Variants in ZEB1 observed in about 807,000 individuals in gnomAD.
The protein encoded by ZEB1 is zinc finger E-box-binding homeobox 1.
Under a neutral mutation model 84.9 loss-of-function variants are expected in ZEB1, and 21 were observed. The observed-to-expected ratio is 0.25, with a 90% CI of 0.18 to 0.36. The LOEUF (loss-of-function observed/expected upper bound fraction) is 0.36, where lower values mean the gene tolerates loss of function less well. ZEB1 is among the 10% of genes least tolerant of loss of function. The pLI, the probability that ZEB1 is intolerant of heterozygous loss-of-function variation, is 1.00. For missense variants in ZEB1, 1,104 were observed against 1,330.2 expected, an observed-to-expected ratio of 0.83 and a Z score of 2.65; for synonymous variants, 420 against 471.1, an observed-to-expected ratio of 0.89 and a Z score of 1.41.
At chr10:31,363,373 T>G in intron 1 of ZEB1, 1 of 1,534,422 alleles carries the variant, frequency 6.5e-7, no homozygotes, top group Non-Finnish European at 8.7e-7. Context: ...TGCATGCACC[T>G]GGGCCTTGTC....
chr10:31,497,641 G>A (rs919060034), intron 3 of ZEB1, among the ~76,000 whole-genome samples: 5 of 152,000 alleles, frequency 3.3e-5, no homozygotes, highest in Non-Finnish European at 5.9e-5. Context: ...TGACTTCTAG[G>A]GAATAATATG....
intron 1 of ZEB1, among the ~76,000 whole-genome samples, chr10:31,344,598 T>C (rs1382820871): frequency 6.6e-6 from 1 of 152,130 alleles, no homozygotes; most frequent in East Asian, 1.9e-4. Context: ...AGTCATTAAT[T>C]GTTAAAATAT....
intron 1 of ZEB1, among the ~76,000 whole-genome samples, chr10:31,376,903 G>A (rs551422065): frequency 6.6e-6 from 1 of 151,588 alleles, no homozygotes; most frequent in South Asian, 2.1e-4. Context: ...AATTGCAGAT[G>A]ATGCTTAAAA....
intron 3 of ZEB1, among the ~76,000 whole-genome samples, chr10:31,500,747 A>G (rs2068003773): frequency 6.6e-6 from 1 of 152,170 alleles, no homozygotes; most frequent in South Asian, 2.1e-4. Context: ...GAGCAGGGAG[A>G]AGAATTTTCA....
chr10:31,429,960 C>T (rs1256350068), intron 1 of ZEB1, among the ~76,000 whole-genome samples: 3 of 151,822 alleles, frequency 2.0e-5, no homozygotes, highest in African/African-American at 7.3e-5. Context: ...AGGCTGGTCT[C>T]GAACTCCTGA....
chr10:31,502,595 T>C, intron 4 of ZEB1, 86 bp downstream of exon 4: 1 of 1,570,276 alleles, frequency 6.4e-7, no homozygotes, highest in Non-Finnish European at 8.8e-7. Context: ...TGCTCTACTA[T>C]AGGGAACATT....
chr10:31,352,530 CTGAG>C (rs1564553992), intron 1 of ZEB1, among the ~76,000 whole-genome samples: 3 of 152,264 alleles, frequency 2.0e-5, no homozygotes, highest in East Asian at 3.8e-4. Context: ...TGAGAGTTGA[CTGAG>C]TGAGTCTTCT....
intron 2 of ZEB1, among the ~76,000 whole-genome samples, chr10:31,481,694 A>G (rs1046318757): frequency 6.6e-6 from 1 of 152,022 alleles, no homozygotes; most frequent in South Asian, 2.1e-4. Context: ...TGATGAGAGC[A>G]TGTCAAAAAA....
upstream of ZEB1, chr10:31,318,975 A>G (rs1466033129): frequency 1.9e-6 from 1 of 533,570 alleles, no homozygotes; most frequent in Non-Finnish European, 3.5e-6. Flanking sequence ...TCCCCACCAC[A>G]CCTGAGGAAA....
At chr10:31,501,415 A>C (rs986822129) in intron 3 of ZEB1, among the ~76,000 whole-genome samples, 12 of 152,242 alleles carry the variant, frequency 7.9e-5, no homozygotes, top group African/African-American at 2.7e-4. Flanking sequence ...ACATTTACTG[A>C]GGCAGAAATA....
chr10:31,367,108 A>T (rs114576121), intron 1 of ZEB1, among the ~76,000 whole-genome samples: 2,296 of 152,250 alleles, frequency 0.015, 41 homozygotes, highest in African/African-American at 0.052. Flanking sequence ...TAGTAGGGTC[A>T]TTGGAAAGCA....
intron 1 of ZEB1, among the ~76,000 whole-genome samples, chr10:31,427,344 T>C (rs1224896432): frequency 1.3e-5 from 2 of 152,240 alleles, no homozygotes; most frequent in East Asian, 3.9e-4. Flanking sequence ...TTATTCAAAA[T>C]TAATAATTTG....
chr10:31,376,858 T>C (rs79299833), intron 1 of ZEB1, among the ~76,000 whole-genome samples: 2 of 151,834 alleles, frequency 1.3e-5, no homozygotes, highest in South Asian at 2.1e-4. Context: ...CTTAAAAATA[T>C]CCTGCTTCAT....
chr10:31,331,985 T>C (rs2036892916), intron 1 of ZEB1, among the ~76,000 whole-genome samples: 2 of 152,202 alleles, frequency 1.3e-5, no homozygotes, highest in South Asian at 4.1e-4. Context: ...CAGTAATTTA[T>C]AATATTATGT....
At chr10:31,461,012 T>C (rs769154355) in intron 1 of ZEB1, 25 bp from the exon 2 acceptor site, 23 of 1,592,050 alleles carry the variant, frequency 1.4e-5, no homozygotes, top group Non-Finnish European at 1.9e-5. Flanking sequence ...TGGTTTTGAT[T>C]ATTTGTTTCT....
At chr10:31,337,635 A>G (rs917179938) in intron 1 of ZEB1, among the ~76,000 whole-genome samples, 1 of 148,490 alleles carries the variant, frequency 6.7e-6, no homozygotes, top group Non-Finnish European at 1.5e-5. Context: ...AGTATTTTAT[A>G]CTATCTTTGT....
At chr10:31,324,185 A>G (rs1474488141) in intron 1 of ZEB1, among the ~76,000 whole-genome samples, 1 of 152,042 alleles carries the variant, frequency 6.6e-6, no homozygotes, top group Non-Finnish European at 1.5e-5. Context: ...TTAATCGTTT[A>G]TGAAGATGAC....
chr10:31,495,080 A>G (rs2067030436), intron 2 of ZEB1, among the ~76,000 whole-genome samples: 1 of 152,076 alleles, frequency 6.6e-6, no homozygotes, highest in African/African-American at 2.4e-5. Context: ...CAAGAGTGTG[A>G]TGGAAAGTGG....
chr10:31,364,424 C>T (rs1042079377), intron 1 of ZEB1, among the ~76,000 whole-genome samples: 4 of 152,140 alleles, frequency 2.6e-5, no homozygotes, highest in African/African-American at 9.7e-5. Context: ...ACCCAGTGGC[C>T]CTGTTTTGGC....
Sources: gnomAD v4.1 joint callset for allele counts (sites outside exome capture counted in the v4.1 genomes callset) on GRCh38, gnomAD v4.1.1 for gene constraint, MANE v1.5 for transcripts, NCBI Gene and HGNC (gene_info 2026-07-23, HGNC 2026-07-21) for gene names.